The following TAFA1 variants were observed in gnomAD, a reference collection of about 807,000 sequenced individuals.
The protein encoded by TAFA1 is TAFA chemokine like family member 1.
In TAFA1, 4 loss-of-function variants were observed where a neutral mutation model predicts 18.5. That is an observed-to-expected ratio of 0.22 (90% CI 0.11 to 0.49). TAFA1 has a LOEUF of 0.49. Ranked by LOEUF, TAFA1 falls within the 20% of genes least tolerant of loss-of-function variation. The pLI is 0.98. For missense variants in TAFA1, 147 were observed against 169.0 expected (o/e 0.87, Z 0.72); for synonymous variants, 56 against 55.2 (o/e 1.01, Z -0.06).
chr3:68,064,586 C>T lies in TAFA1; in HGVS notation c.118+57842C>T, dbSNP rs2064648979. ...AATTATGACCTAATTAACATTTGCA[C>T]GGTAATCCGGACTTCCTACAGCTTT... On this transcript the variant is annotated intron_variant, in intron 2 of 4. Coordinates refer to ENST00000478136, the MANE Select transcript of TAFA1 (RefSeq NM_213609.4). 2.6e-5 allele frequency among the ~76,000 whole-genome samples: 4 copies of T among 152,190 alleles called. No homozygotes were observed. In the South Asian group the frequency reaches 6.2e-4, roughly 24 times the overall value.
intron 2 of TAFA1, among the ~76,000 whole-genome samples, chr3:68,272,446 C>A (rs868161841): frequency 3.4e-4 from 52 of 152,098 alleles, no homozygotes; most frequent in African/African-American, 1.2e-3. Context: ...TGGGGCCTGG[C>A]ATATCATAAA....
intron 2 of TAFA1, among the ~76,000 whole-genome samples, chr3:68,184,534 C>A (rs1255697060): frequency 6.6e-6 from 1 of 152,032 alleles, no homozygotes; most frequent in Non-Finnish European, 1.5e-5. Context: ...TTATTTTTTG[C>A]CCCTGAAAAC....
intron 2 of TAFA1, among the ~76,000 whole-genome samples, chr3:68,013,065 A>G (rs973015266): frequency 2.6e-5 from 4 of 152,160 alleles, no homozygotes; most frequent in Admixed American, 6.5e-5. Flanking sequence ...TTCAGATTAC[A>G]TGCATTGAGA....
intron 2 of TAFA1, among the ~76,000 whole-genome samples, chr3:68,366,605 G>A (rs1041540444): frequency 6.6e-6 from 1 of 152,160 alleles, no homozygotes; most frequent in African/African-American, 2.4e-5. Context: ...TTTCCTTACA[G>A]GCAGGCAATA....
chr3:68,131,359 T>C lies in TAFA1; in HGVS notation c.118+124615T>C, dbSNP rs533137706. On this transcript the variant is annotated intron_variant, in intron 2 of 4. Transcript: ENST00000478136. ...CACACACATAAGAGGAGAGCTGGTC[T>C]CTAAGGTGCTGTCAGAGCTGTTTAG... Among the ~76,000 whole-genome samples, 3 of 152,292 alleles carry C rather than the reference T, an allele frequency of 2.0e-5. No individual in the cohort carries two copies. In the East Asian group the frequency reaches 5.8e-4, roughly 29 times the overall value.
At position 68,305,398 on chromosome 3, in the gene TAFA1, T is replaced by TGA. The variant is rs572845064; in HGVS notation, c.119-111881_119-111880dup. 3.8e-3 allele frequency among the ~76,000 whole-genome samples: 437 copies of TGA among 113,652 alleles called. 1 individual carries two copies. Among genetic ancestry groups the TGA allele is most frequent in the East Asian group, 8.4e-3 (28 of 3,318 alleles). 74.6% of individuals were successfully genotyped at this position (113,652 alleles called of 152,430 possible). A position where few individuals can be genotyped will look rare whatever the true frequency, so the allele number is the denominator to read the frequency against. ...ATGGCTATATATATATGACTATATA[T>TGA]GACTATATGACTATATATATATATA... On this transcript the variant is annotated intron_variant, in intron 2 of 4. Coordinates refer to ENST00000478136, the MANE Select transcript of TAFA1 (RefSeq NM_213609.4).
At chr3:68,165,073 G>T (rs181498503) in intron 2 of TAFA1, among the ~76,000 whole-genome samples, 21 of 152,188 alleles carry the variant, frequency 1.4e-4, no homozygotes, top group Admixed American at 3.9e-4. Context: ...TCAGGCCAAG[G>T]GACAGCAACC....
chr3:68,410,705 CAA>C (rs34714719), intron 2 of TAFA1, among the ~76,000 whole-genome samples: 29 of 36,650 alleles, frequency 7.9e-4, no homozygotes, highest in African/African-American at 2.6e-3. Context: ...TTTCCATAAG[CAA>C]AAAAAAAAAA....
chr3:68,257,688 C>A (rs1330116257), intron 2 of TAFA1, among the ~76,000 whole-genome samples: 1 of 152,058 alleles, frequency 6.6e-6, no homozygotes, highest in African/African-American at 2.4e-5. Flanking sequence ...ACTGTTACAT[C>A]CTCTAAAAAG....
chr3:68,446,108 T>C (rs1359183243), intron 3 of TAFA1, among the ~76,000 whole-genome samples: 1 of 152,120 alleles, frequency 6.6e-6, no homozygotes, highest in Non-Finnish European at 1.5e-5. Context: ...GGTCTTGCTA[T>C]GTTGCTCAGG....
At chr3:68,045,280 C>A (rs919424882) in intron 2 of TAFA1, among the ~76,000 whole-genome samples, 8 of 152,066 alleles carry the variant, frequency 5.3e-5, no homozygotes, top group African/African-American at 1.9e-4. Context: ...CACAATGTAC[C>A]TATCCCTATA....
intron 2 of TAFA1, among the ~76,000 whole-genome samples, chr3:68,062,992 G>A (rs2064624912): frequency 6.6e-6 from 1 of 152,134 alleles, no homozygotes; most frequent in African/African-American, 2.4e-5. Flanking sequence ...ATGCCCACAG[G>A]GGCCAGACAG....
chr3:68,401,391 A>G (rs2070486890), intron 2 of TAFA1, among the ~76,000 whole-genome samples: 1 of 152,182 alleles, frequency 6.6e-6, no homozygotes, highest in Non-Finnish European at 1.5e-5. Context: ...TGTATTGTGA[A>G]TCGCAGAAAA....
In TAFA1 at chr3:68,444,994, G is replaced by A. The variant is rs548874278; in HGVS notation, c.259+27574G>A. Reference sequence around the variant, plus strand: ...AATTAAATTACATATTTATTTAACTGATCAATGATGGTTGAGTAATTCAAA... The same window carrying A: ...AATTAAATTACATATTTATTTAACTAATCAATGATGGTTGAGTAATTCAAA... On this transcript the variant is annotated intron_variant, in intron 3 of 4. Transcript: ENST00000478136. 1.3e-4 allele frequency among the ~76,000 whole-genome samples: 19 copies of A among 151,814 alleles called. No individual in the cohort carries two copies. In the East Asian group the frequency reaches 3.7e-3, roughly 29 times the overall value.
chr3:68,217,063 A>C (rs1168117168), intron 2 of TAFA1, among the ~76,000 whole-genome samples: 1 of 152,072 alleles, frequency 6.6e-6, no homozygotes, highest in Non-Finnish European at 1.5e-5. Flanking sequence ...TTTCTTCTGA[A>C]GTGTAAAGGA....
chr3:68,315,913 A>G (rs72626968), intron 2 of TAFA1, among the ~76,000 whole-genome samples: 4,442 of 152,292 alleles, frequency 0.029, 104 homozygotes, highest in East Asian at 0.097. Flanking sequence ...ATTTCTGGGC[A>G]GTCGATGAAA....
chr3:68,026,047 A>G (rs1003440137), intron 2 of TAFA1, among the ~76,000 whole-genome samples: 1 of 152,198 alleles, frequency 6.6e-6, no homozygotes, highest in East Asian at 1.9e-4. Flanking sequence ...ATGAATAAAT[A>G]AAAGAAAAAT....
intron 2 of TAFA1, among the ~76,000 whole-genome samples, chr3:68,273,407 C>G (rs1462746903): frequency 6.6e-6 from 1 of 152,158 alleles, no homozygotes; most frequent in Non-Finnish European, 1.5e-5. Flanking sequence ...TTGTGTCTTG[C>G]AAAGGACACA....
chr3:68,541,945 A>C (rs1402996479), intron 4 of TAFA1, among the ~76,000 whole-genome samples: 1 of 152,180 alleles, frequency 6.6e-6, no homozygotes, highest in Non-Finnish European at 1.5e-5. Context: ...GAAGGTGAAG[A>C]GTAGAAATGT....
Sources: allele counts gnomAD v4.1 joint callset (sites outside exome capture counted in the v4.1 genomes callset), GRCh38; gene constraint gnomAD v4.1.1; transcripts MANE v1.5; gene names NCBI Gene and HGNC (gene_info 2026-07-23, HGNC 2026-07-21).